Variants in ANO10 observed in about 807,000 individuals in gnomAD.
ANO10 encodes the protein anoctamin-10.
ANO10 carries 77 observed loss-of-function variants against 74.7 expected under a neutral mutation model. The ratio of observed to expected loss-of-function variants is 1.03; its 90% CI spans 0.86 to 1.25. ANO10 has a LOEUF of 1.25. Ranked by LOEUF, ANO10 falls within the 50% of genes most tolerant of loss-of-function variation. ANO10 has a pLI of 0.00. For synonymous variants in ANO10, 279 were observed against 284.9 expected, an observed-to-expected ratio of 0.98 and a Z score of 0.21; for missense variants, 721 against 778.1, an observed-to-expected ratio of 0.93 and a Z score of 0.87.
chr3:43,444,478 T>G (rs1003793610), intron 11 of ANO10, among the ~76,000 whole-genome samples: 1 of 152,236 alleles, frequency 6.6e-6, no homozygotes, highest in African/African-American at 2.4e-5. Flanking sequence ...AAAAACTGTG[T>G]GCCCAGAAAT....
chr3:43,396,134 G>C (rs988296582), intron 12 of ANO10, among the ~76,000 whole-genome samples: 5 of 151,386 alleles, frequency 3.3e-5, no homozygotes, highest in Middle Eastern at 3.2e-3. Context: ...TTGAAAAGAA[G>C]TGGTAGGAAT....
At chr3:43,497,236 C>T (rs1015181315) in intron 11 of ANO10, among the ~76,000 whole-genome samples, 1 of 152,124 alleles carries the variant, frequency 6.6e-6, no homozygotes, top group African/African-American at 2.4e-5. Flanking sequence ...ACCTAGCATA[C>T]AAAAGTCAGC....
At position 43,386,646 on chromosome 3, in the gene ANO10, TAC is replaced by T. The variant is rs1467839452; in HGVS notation, c.1915-19674_1915-19673del. Among the ~76,000 whole-genome samples, 4 of 133,668 alleles carry T rather than the reference TAC, an allele frequency of 3.0e-5. No homozygotes were observed. In the South Asian group the frequency reaches 7.5e-4, roughly 25 times the overall value. 87.7% of individuals were successfully genotyped at this position (133,668 alleles called of 152,430 possible). On this transcript the variant is annotated intron_variant, in intron 12 of 12. Transcript: ENST00000292246. ...TTTTTGAAAGTTGTGTGTAGGTGTG[TAC>T]GTGTGTGTGTGTGTGTGTGTGTGTG...
chr3:43,561,999 C>G (rs1371086512), intron 8 of ANO10, among the ~76,000 whole-genome samples: 1 of 152,146 alleles, frequency 6.6e-6, no homozygotes, highest in Non-Finnish European at 1.5e-5. Context: ...ACCACTAATA[C>G]ATACCCTCAC....
chr3:43,555,580 T>C, intron 9 of ANO10, 111 bp from the exon 10 acceptor site: 1 of 1,036,136 alleles, frequency 9.7e-7, no homozygotes, highest in South Asian at 1.5e-5. Context: ...CTCAAAGAGT[T>C]TCCCCACCAT....
intron 1 of ANO10, among the ~76,000 whole-genome samples, chr3:43,659,423 G>A (rs2083895180): frequency 6.6e-6 from 1 of 152,204 alleles, no homozygotes; most frequent in Non-Finnish European, 1.5e-5. Flanking sequence ...CTGGCTCGGT[G>A]GGTCCCACGC....
At chr3:43,568,329 G>A (rs1254742609) in intron 7 of ANO10, among the ~76,000 whole-genome samples, 1 of 152,122 alleles carries the variant, frequency 6.6e-6, no homozygotes, top group Non-Finnish European at 1.5e-5. Flanking sequence ...TCTGCACCAA[G>A]TGGACCTAAT....
At chr3:43,415,483 G>C (rs771446874) in intron 12 of ANO10, among the ~76,000 whole-genome samples, 11 of 151,940 alleles carry the variant, frequency 7.2e-5, no homozygotes, top group African/African-American at 1.2e-4. Context: ...TCACTCAAAA[G>C]CCAATGTTTT....
chr3:43,669,340 A>C lies in ANO10; in HGVS notation c.-12+22177T>G, dbSNP rs1396255414. Among the ~76,000 whole-genome samples the C allele has an allele frequency of 2.0e-5, 3 of 152,092 alleles. No individual in the cohort carries two copies. In the East Asian group the frequency reaches 5.8e-4, roughly 29 times the overall value. Reference sequence around the variant, plus strand: ...ATATGTCACCAATATTCTCTGTGAGAATCTGGTAGCATTCCTGGAGGTAAA... The same window carrying C: ...ATATGTCACCAATATTCTCTGTGAGCATCTGGTAGCATTCCTGGAGGTAAA... On this transcript the variant is annotated intron_variant, in intron 1 of 3. Coordinates refer to the ANO10 transcript ENST00000413397.
intron 12 of ANO10, among the ~76,000 whole-genome samples, chr3:43,371,895 C>T (rs1031675840): frequency 1.3e-5 from 2 of 152,122 alleles, no homozygotes; most frequent in Non-Finnish European, 2.9e-5. Context: ...CCTCAGTGTT[C>T]TGAAAATATC....
At chr3:43,497,330 A>G (rs1454784594) in intron 11 of ANO10, among the ~76,000 whole-genome samples, 1 of 152,242 alleles carries the variant, frequency 6.6e-6, no homozygotes. Flanking sequence ...AAAAGATAGA[A>G]AACTTTAATA....
At chr3:43,436,312 T>C (rs992430705) in intron 11 of ANO10, among the ~76,000 whole-genome samples, 4 of 152,166 alleles carry the variant, frequency 2.6e-5, no homozygotes, top group Non-Finnish European at 5.9e-5. Context: ...TAGGAATCTA[T>C]TCATATTTGA....
At position 43,606,250 on chromosome 3, in the gene ANO10, G is replaced by A. The variant is rs6780460; in HGVS notation, c.-11-387C>T. Reference sequence around the variant, plus strand: ...TACACAATGAGAGGTATCCTAAGTAGACAAAATTATATTTCCCTAGAAAAT... The same window carrying A: ...TACACAATGAGAGGTATCCTAAGTAAACAAAATTATATTTCCCTAGAAAAT... On this transcript the variant is annotated intron_variant, in intron 1 of 12. Transcript: ENST00000292246. 9.0e-3 allele frequency among the ~76,000 whole-genome samples: 1,363 copies of A among 152,250 alleles called. 16 individuals carry two copies. The highest frequency in any genetic ancestry group is 0.029 in the African/African-American group (1,184 of 41,542).
intron 11 of ANO10, among the ~76,000 whole-genome samples, chr3:43,527,374 A>G (rs564316142): frequency 5.9e-5 from 9 of 152,326 alleles, no homozygotes; most frequent in African/African-American, 2.2e-4. Flanking sequence ...AATATGCTGC[A>G]CACTAAACAG....
At chr3:43,508,766 G>C (rs2077393573) in intron 11 of ANO10, among the ~76,000 whole-genome samples, 1 of 151,482 alleles carries the variant, frequency 6.6e-6, no homozygotes, top group Admixed American at 6.6e-5. Flanking sequence ...GACACAGGAA[G>C]GGGAACATCA....
chr3:43,413,036 A>C (rs940699657), intron 12 of ANO10, among the ~76,000 whole-genome samples: 43 of 152,332 alleles, frequency 2.8e-4, no homozygotes, highest in African/African-American at 8.9e-4. Flanking sequence ...TGGGCAACAA[A>C]GCAAGATTCC....
chr3:43,614,381 G>A (rs917620169), intron 1 of ANO10, among the ~76,000 whole-genome samples: 1 of 151,998 alleles, frequency 6.6e-6, no homozygotes, highest in African/African-American at 2.4e-5. Flanking sequence ...TTTGCAATAT[G>A]ACAGACAAAT....
At chr3:43,577,375 C>T (rs1434639202) in intron 5 of ANO10, 114 bp from the exon 6 acceptor site, 3 of 1,031,490 alleles carry the variant, frequency 2.9e-6, no homozygotes, top group Non-Finnish European at 4.4e-6. Flanking sequence ...ACCCTCACTT[C>T]CCAAACAGCG....
intron 11 of ANO10, among the ~76,000 whole-genome samples, chr3:43,476,872 G>C (rs2076085404): frequency 6.6e-6 from 1 of 152,160 alleles, no homozygotes; most frequent in Admixed American, 6.6e-5. Flanking sequence ...AGCAAACCTT[G>C]CCAATCAATA....
Sources: gnomAD v4.1 joint callset for allele counts (sites outside exome capture counted in the v4.1 genomes callset) on GRCh38, gnomAD v4.1.1 for gene constraint, MANE v1.5 for transcripts, NCBI Gene and HGNC (gene_info 2026-07-23, HGNC 2026-07-21) for gene names.